The following CSMD1 variants were observed in gnomAD, a reference collection of about 807,000 sequenced individuals.
CSMD1 encodes CUB and Sushi multiple domains 1, also known as CUB and sushi domain-containing protein 1.
Under a neutral mutation model 417.5 loss-of-function variants are expected in CSMD1, and 213 were observed. That is an observed-to-expected ratio of 0.51 (90% CI 0.46 to 0.57). The LOEUF is 0.57. Among genes scored for constraint, CSMD1 ranks in the 20% least tolerant of loss-of-function variants. The probability of loss-of-function intolerance (pLI) is 0.00; values close to 1 mark genes in which losing one functional copy is unlikely to be tolerated. For missense variants in CSMD1, 6,923 were observed against 4,529.7 expected (o/e 1.53, Z -15.17); for synonymous variants, 2,862 against 1,736.8 (o/e 1.65, Z -16.11).
At chr8:3,673,526 G>C (rs1174923252) in intron 7 of CSMD1, among the ~76,000 whole-genome samples, 4 of 152,176 alleles carry the variant, frequency 2.6e-5, no homozygotes, top group African/African-American at 9.7e-5. Flanking sequence ...ACAGGAGAAA[G>C]TGTTTGCATC....
intron 3 of CSMD1, among the ~76,000 whole-genome samples, chr8:4,181,366 T>G (rs1798361626): frequency 7.4e-6 from 1 of 135,324 alleles, no homozygotes. Flanking sequence ...TTTATTTATT[T>G]ATTTTTTTTT....
chr8:2,957,845 G>C lies in CSMD1; in HGVS notation c.9703-38C>G, dbSNP rs1469686946. 17 of 1,385,572 alleles carry C rather than the reference G, an allele frequency of 1.2e-5. No individual in the cohort carries two copies. The South Asian group carries it at 1.6e-4, about 13-fold the overall frequency. 85.8% of individuals were successfully genotyped at this position (1,385,572 alleles called of 1,614,324 possible). On this transcript the variant is annotated intron_variant, in intron 62 of 69. Transcript: ENST00000635120. The stretch of plus-strand genomic sequence containing the variant: ...TCCAATACTAGCTTCAGAGGCCAAG[G>C]GAATATACGAAGTGTCAACTAGTGA...
rs1358507983 is a variant in CSMD1 at position 3,723,597 on chromosome 8, A to C, written c.932-15106T>G. 3.3e-5 allele frequency among the ~76,000 whole-genome samples: 5 copies of C among 152,344 alleles called. No homozygotes were observed. In the East Asian group the frequency reaches 9.7e-4, roughly 29 times the overall value. On this transcript the variant is annotated intron_variant, in intron 6 of 69. Transcript: ENST00000635120. ...AGATAGTCTTTTTGCCAATGATGAA[A>C]TTCGGGTTTTCAAGAAAATATTAGA... is the stretch of plus-strand genomic sequence containing the variant.
chr8:4,056,601 T>A (rs1314349571), intron 3 of CSMD1, among the ~76,000 whole-genome samples: 1 of 151,870 alleles, frequency 6.6e-6, no homozygotes, highest in African/African-American at 2.4e-5. Context: ...AAGTTACCTA[T>A]GTATACATGT....
intron 57 of CSMD1, among the ~76,000 whole-genome samples, chr8:2,967,118 A>G (rs1804038435): frequency 6.6e-6 from 1 of 152,194 alleles, no homozygotes; most frequent in Admixed American, 6.5e-5. Context: ...GTGATTTTTA[A>G]AAAAGAATAT....
chr8:4,137,672 A>C (rs1238784153), intron 3 of CSMD1, among the ~76,000 whole-genome samples: 1 of 131,186 alleles, frequency 7.6e-6, no homozygotes, highest in Non-Finnish European at 1.8e-5. Context: ...ACTGAAAGTA[A>C]CTTCTTATAT....
chr8:4,912,441 G>C (rs1047139720), intron 1 of CSMD1, among the ~76,000 whole-genome samples: 4 of 151,954 alleles, frequency 2.6e-5, no homozygotes, highest in African/African-American at 9.7e-5. Flanking sequence ...GCTGGACAAG[G>C]ATTGAAGGTG....
chr8:4,154,518 C>A (rs1398654688), intron 3 of CSMD1, among the ~76,000 whole-genome samples: 3 of 152,172 alleles, frequency 2.0e-5, no homozygotes, highest in Admixed American at 6.5e-5. Flanking sequence ...ACAAGAGCCA[C>A]TGTGGAGAAA....
chr8:3,320,775 G>T (rs1013883947), intron 23 of CSMD1, among the ~76,000 whole-genome samples: 12 of 152,256 alleles, frequency 7.9e-5, no homozygotes, highest in Non-Finnish European at 1.5e-4. Flanking sequence ...TCCTCTCTGG[G>T]CTTATTCCTG....
chr8:4,078,285 G>C (rs1042359316), intron 3 of CSMD1, among the ~76,000 whole-genome samples: 1 of 149,500 alleles, frequency 6.7e-6, no homozygotes, highest in African/African-American at 2.5e-5. Context: ...AGACCTAACT[G>C]TGCCATAATG....
chr8:4,528,165 G>C (rs1796614663), intron 2 of CSMD1, among the ~76,000 whole-genome samples: 1 of 152,150 alleles, frequency 6.6e-6, no homozygotes, highest in Non-Finnish European at 1.5e-5. Context: ...CAATGTCCTT[G>C]TTTTTGACCT....
At chr8:4,528,227 G>C (rs1164298854) in intron 2 of CSMD1, among the ~76,000 whole-genome samples, 1 of 152,124 alleles carries the variant, frequency 6.6e-6, no homozygotes, top group Non-Finnish European at 1.5e-5. Context: ...CATCTTCAGT[G>C]ATAAGACAAT....
At chr8:3,274,927 C>T (rs1001246391) in intron 26 of CSMD1, among the ~76,000 whole-genome samples, 2 of 152,138 alleles carry the variant, frequency 1.3e-5, no homozygotes, top group African/African-American at 4.8e-5. Flanking sequence ...AGTCCATTTA[C>T]ATTTAAAGTT....
At chr8:4,021,126 C>G (rs2740933) in intron 4 of CSMD1, among the ~76,000 whole-genome samples, 3 of 152,116 alleles carry the variant, frequency 2.0e-5, no homozygotes, top group Admixed American at 6.5e-5. Context: ...AGGCTCAATA[C>G]AGTAGCCTGA....
chr8:4,385,449 CTTAG>C (rs1021819238), intron 3 of CSMD1, among the ~76,000 whole-genome samples: 17 of 152,252 alleles, frequency 1.1e-4, no homozygotes, highest in African/African-American at 3.9e-4. Flanking sequence ...TGTTTCTTTT[CTTAG>C]TTTTATTTTT....
At chr8:3,739,520 T>C (rs1414265348) in intron 6 of CSMD1, among the ~76,000 whole-genome samples, 1 of 152,182 alleles carries the variant, frequency 6.6e-6, no homozygotes, top group Non-Finnish European at 1.5e-5. Context: ...TCCACAAATA[T>C]GTATAATTAT....
In CSMD1 at chr8:4,726,226, G is replaced by A. The variant is rs144680383; in HGVS notation, c.86-88668C>T. On this transcript the variant is annotated intron_variant, in intron 1 of 69. Transcript: ENST00000635120. ...GCTGTGGCTTCATCACCCATATTAGGGTCAGAAAAACTCTTGTGTGTTTCT... is the reference window on the plus strand; with the variant it reads ...GCTGTGGCTTCATCACCCATATTAGAGTCAGAAAAACTCTTGTGTGTTTCT... Among the ~76,000 whole-genome samples the A allele has an allele frequency of 6.4e-3, 968 of 151,800 alleles. 12 individuals are homozygous for A. The highest frequency in any genetic ancestry group is 0.022 in the African/African-American group (904 of 41,364).
intron 1 of CSMD1, among the ~76,000 whole-genome samples, chr8:4,860,112 G>A (rs1200949538): frequency 1.3e-5 from 2 of 151,714 alleles, no homozygotes; most frequent in Admixed American, 6.6e-5. Context: ...TCCTTTGTAG[G>A]GACATGGATG....
At chr8:4,946,237 G>A (rs185324220) in intron 1 of CSMD1, among the ~76,000 whole-genome samples, 6 of 152,154 alleles carry the variant, frequency 3.9e-5, no homozygotes, top group African/African-American at 9.7e-5. Flanking sequence ...GTCTTGTTAC[G>A]TTCTCAGAGA....
Sources: allele counts gnomAD v4.1 joint callset (sites outside exome capture counted in the v4.1 genomes callset), GRCh38; gene constraint gnomAD v4.1.1; transcripts MANE v1.5; gene names NCBI Gene and HGNC (gene_info 2026-07-23, HGNC 2026-07-21).